The following FRAS1 variants were observed in gnomAD, a reference collection of about 807,000 sequenced individuals.
FRAS1 encodes the protein Fraser extracellular matrix complex subunit 1, also known as extracellular matrix organizing protein FRAS1.
Under a neutral mutation model 435.2 loss-of-function variants are expected in FRAS1, and 290 were observed. That is an observed-to-expected ratio of 0.67 (90% CI 0.61 to 0.73). The LOEUF is 0.73. FRAS1 is among the 30% of genes least tolerant of loss of function. The probability of loss-of-function intolerance (pLI) is 0.00; values close to 1 mark genes in which losing one functional copy is unlikely to be tolerated. For missense variants in FRAS1, 4,860 were observed against 5,001.5 expected (o/e 0.97, Z 0.85); for synonymous variants, 1,800 against 1,851.0 (o/e 0.97, Z 0.71).
At chr4:78,374,666 C>G (rs1056426543) in intron 25 of FRAS1, among the ~76,000 whole-genome samples, 11 of 152,174 alleles carry the variant, frequency 7.2e-5, no homozygotes, top group African/African-American at 2.7e-4. Flanking sequence ...GGGGACAATT[C>G]AGTGAAACAC....
chr4:78,248,038 G>C (rs539305909), intron 4 of FRAS1, among the ~76,000 whole-genome samples: 1 of 152,178 alleles, frequency 6.6e-6, no homozygotes, highest in East Asian at 1.9e-4. Flanking sequence ...CGGAGCCTTG[G>C]GGGAGGACCT....
At chr4:78,130,900 G>A (rs1719652030) in intron 2 of FRAS1, among the ~76,000 whole-genome samples, 1 of 152,058 alleles carries the variant, frequency 6.6e-6, no homozygotes, top group Non-Finnish European at 1.5e-5. Context: ...ATATAAAATT[G>A]GAAAAAGAGC....
chr4:78,395,604 A>G (rs969320108), intron 29 of FRAS1, among the ~76,000 whole-genome samples: 5 of 152,008 alleles, frequency 3.3e-5, no homozygotes, highest in Admixed American at 1.3e-4. Flanking sequence ...CTCTCATTAT[A>G]TAATATCTTC....
intron 32 of FRAS1, among the ~76,000 whole-genome samples, chr4:78,413,622 T>A (rs1018189806): frequency 5.3e-5 from 8 of 151,840 alleles, no homozygotes; most frequent in Admixed American, 5.2e-4. Context: ...CTGCCACAAG[T>A]GAAAAGAGCA....
intron 8 of FRAS1, 80 bp from the exon 9 acceptor site, chr4:78,267,161 T>C: frequency 7.1e-7 from 1 of 1,400,632 alleles, no homozygotes; most frequent in South Asian, 1.2e-5. Flanking sequence ...CTTTGGTATT[T>C]TGGGTCCTCC....
chr4:78,393,385 A>G (rs1384642733), intron 29 of FRAS1, among the ~76,000 whole-genome samples: 1 of 144,042 alleles, frequency 6.9e-6, no homozygotes, highest in African/African-American at 2.7e-5. Flanking sequence ...AAAATATCTT[A>G]TAATAGTCTA....
chr4:78,488,731 C>T, intron 58 of FRAS1, 144 bp from the exon 59 acceptor site: 1 of 653,328 alleles, frequency 1.5e-6, no homozygotes, highest in Non-Finnish European at 2.6e-6. Context: ...TTGGAATCTG[C>T]TTGCCACCTG....
In FRAS1 at chr4:78,275,604, G is replaced by A. The variant is rs1426408814; in HGVS notation, c.982-3051G>A. Among the ~76,000 whole-genome samples the A allele has an allele frequency of 3.3e-5, 5 of 152,270 alleles. No homozygotes were observed. The East Asian group carries it at 7.7e-4, about 23-fold the overall frequency. On this transcript the variant is annotated intron_variant, in intron 9 of 73. Transcript: ENST00000512123. ...AGTTTGGCTGGATATGAAATTCTGGGTTGAGAATTCTTTTCTTTAAGAATG... is the reference window on the plus strand; with the variant it reads ...AGTTTGGCTGGATATGAAATTCTGGATTGAGAATTCTTTTCTTTAAGAATG...
At chr4:78,224,090 G>A (rs950465343) in intron 2 of FRAS1, among the ~76,000 whole-genome samples, 1 of 152,198 alleles carries the variant, frequency 6.6e-6, no homozygotes, top group Non-Finnish European at 1.5e-5. Flanking sequence ...GGCCGCCCTT[G>A]AGGATCCCTG....
At chr4:78,400,689 T>A in intron 29 of FRAS1, 45 bp from the exon 30 acceptor site, 1 of 1,583,582 alleles carries the variant, frequency 6.3e-7, no homozygotes, top group South Asian at 1.2e-5. Flanking sequence ...ATTGATATAT[T>A]CTTACTTTGC....
At chr4:78,503,295 CTCT>C (rs1720734841) in intron 61 of FRAS1, among the ~76,000 whole-genome samples, 1 of 152,146 alleles carries the variant, frequency 6.6e-6, no homozygotes, top group Non-Finnish European at 1.5e-5. Flanking sequence ...ATGGTACCAG[CTCT>C]TCTTTGTACC....
chr4:78,358,322 C>T (rs1730940531), intron 20 of FRAS1, among the ~76,000 whole-genome samples: 1 of 152,122 alleles, frequency 6.6e-6, no homozygotes, highest in Non-Finnish European at 1.5e-5. Flanking sequence ...TTTTAAATTT[C>T]TTAGTGCTGG....
chr4:78,513,146 G>GAA (rs138090444), intron 64 of FRAS1, among the ~76,000 whole-genome samples: 3 of 151,736 alleles, frequency 2.0e-5, no homozygotes, highest in African/African-American at 4.8e-5. Context: ...TTCCTGTATA[G>GAA]AAAAAAAATC....
intron 14 of FRAS1, among the ~76,000 whole-genome samples, chr4:78,306,227 G>T (rs914635836): frequency 9.4e-4 from 143 of 151,914 alleles, no homozygotes; most frequent in Non-Finnish European, 1.7e-3. Flanking sequence ...TCGGCCAAGA[G>T]ATCCGCTGTT....
At chr4:78,400,680 T>C (rs1732848484) in intron 29 of FRAS1, 54 bp from the exon 30 acceptor site, 1 of 1,545,064 alleles carries the variant, frequency 6.5e-7, no homozygotes, top group African/African-American at 1.4e-5. Flanking sequence ...TGTTTAAGGA[T>C]TGATATATTC....
At chr4:78,167,030 T>C (rs1489530994) in intron 2 of FRAS1, among the ~76,000 whole-genome samples, 1 of 152,206 alleles carries the variant, frequency 6.6e-6, no homozygotes, top group African/African-American at 2.4e-5. Context: ...GAGCAAGACA[T>C]AAATGCTATT....
intron 14 of FRAS1, among the ~76,000 whole-genome samples, chr4:78,305,410 G>C (rs1165040766): frequency 1.0e-4 from 15 of 150,196 alleles, no homozygotes; most frequent in African/African-American, 3.4e-4. Flanking sequence ...CAATTCCTGG[G>C]TATCCTTGTT....
intron 2 of FRAS1, among the ~76,000 whole-genome samples, chr4:78,115,196 A>G (rs58739071): frequency 0.063 from 9,475 of 151,204 alleles, 811 homozygotes; most frequent in African/African-American, 0.19. Flanking sequence ...ATCATGGTGG[A>G]TACGCTTATT....
At chr4:78,419,933 CA>C (rs1429489543) in intron 33 of FRAS1, among the ~76,000 whole-genome samples, 2 of 152,132 alleles carry the variant, frequency 1.3e-5, no homozygotes, top group Non-Finnish European at 2.9e-5. Flanking sequence ...GGACAGCACC[CA>C]GGGGGATGGT....
Sources: allele counts gnomAD v4.1 joint callset (sites outside exome capture counted in the v4.1 genomes callset), GRCh38; gene constraint gnomAD v4.1.1; transcripts MANE v1.5; gene names NCBI Gene and HGNC (gene_info 2026-07-23, HGNC 2026-07-21).